MARCHF1: variants seen among roughly 807,000 people sequenced by gnomAD.
MARCHF1 encodes membrane associated ring-CH-type finger 1, also known as E3 ubiquitin-protein ligase MARCHF1.
A neutral mutation model predicts 54.2 loss-of-function variants in MARCHF1; 40 were observed. The observed-to-expected ratio is 0.74, with a 90% CI of 0.57 to 0.96. The LOEUF is 0.96. Among genes scored for constraint, MARCHF1 ranks in the 40% least tolerant of loss-of-function variants. The pLI, the probability that MARCHF1 is intolerant of heterozygous loss-of-function variation, is 0.00. For missense variants in MARCHF1, 586 were observed against 656.5 expected, an observed-to-expected ratio of 0.89 and a Z score of 1.17; for synonymous variants, 236 against 236.3, an observed-to-expected ratio of 1.00 and a Z score of 0.01.
intron 2 of MARCHF1, among the ~76,000 whole-genome samples, chr4:164,101,938 A>C (rs1429507322): frequency 1.3e-5 from 2 of 149,176 alleles, no homozygotes; most frequent in Non-Finnish European, 3.0e-5. Flanking sequence ...TGGAGCTGAA[A>C]ACCAAGGCTC....
intron 9 of MARCHF1, among the ~76,000 whole-genome samples, chr4:163,541,461 C>T (rs1050205425): frequency 2.6e-5 from 4 of 152,064 alleles, no homozygotes; most frequent in African/African-American, 9.7e-5. Context: ...CAACTGTTGC[C>T]CAAATTAAAC....
intron 8 of MARCHF1, among the ~76,000 whole-genome samples, chr4:163,557,372 A>G (rs972148007): frequency 2.6e-5 from 4 of 152,180 alleles, no homozygotes; most frequent in Admixed American, 2.6e-4. Flanking sequence ...TTTTCCTCTA[A>G]TTAGACAGCA....
chr4:163,621,614 G>A (rs1329446643), intron 5 of MARCHF1, among the ~76,000 whole-genome samples: 1 of 152,100 alleles, frequency 6.6e-6, no homozygotes, highest in Non-Finnish European at 1.5e-5. Context: ...AGATCTTGGA[G>A]TTCTGGGCAT....
intron 4 of MARCHF1, among the ~76,000 whole-genome samples, chr4:163,710,083 A>C (rs1745062724): frequency 6.6e-6 from 1 of 152,170 alleles, no homozygotes; most frequent in Non-Finnish European, 1.5e-5. Flanking sequence ...TTTAATGGGT[A>C]AACTTGCTAA....
chr4:164,351,966 A>C (rs1730354611), intron 1 of MARCHF1, among the ~76,000 whole-genome samples: 1 of 146,732 alleles, frequency 6.8e-6, no homozygotes, highest in African/African-American at 2.5e-5. Context: ...TGAAGAATGC[A>C]GAAGCCTCAG....
chr4:163,715,133 C>T (rs1223454261), intron 4 of MARCHF1, among the ~76,000 whole-genome samples: 3 of 152,202 alleles, frequency 2.0e-5, no homozygotes, highest in African/African-American at 7.2e-5. Context: ...TTGGATTTAA[C>T]ATACAGTATT....
chr4:164,050,167 C>T lies in MARCHF1; in HGVS notation c.-248+61421G>A, dbSNP rs541732847. 6.8e-5 allele frequency among the ~76,000 whole-genome samples: 10 copies of T among 146,408 alleles called. No individual in the cohort carries two copies. In the East Asian group the frequency reaches 1.7e-3, roughly 24 times the overall value. ...GTGGGTGCCTGTATTCCCAGCTATT[C>T]GGGAGGCTGAGGCAGGAGAATCGCT... is the stretch of plus-strand genomic sequence containing the variant. On this transcript the variant is annotated intron_variant, in intron 2 of 9. Transcript: ENST00000514618.
chr4:163,957,932 A>G (rs1235451432), intron 3 of MARCHF1, among the ~76,000 whole-genome samples: 2 of 152,056 alleles, frequency 1.3e-5, no homozygotes, highest in Non-Finnish European at 2.9e-5. Flanking sequence ...GCCATGCTGC[A>G]TTCAGAAAGT....
intron 3 of MARCHF1, among the ~76,000 whole-genome samples, chr4:163,981,414 CT>C (rs1337794044): frequency 2.6e-5 from 4 of 152,192 alleles, no homozygotes; most frequent in African/African-American, 9.7e-5. Flanking sequence ...CTTCAGTCTC[CT>C]TTTCACTCCT....
chr4:163,554,389 T>C (rs1254228569), intron 8 of MARCHF1, among the ~76,000 whole-genome samples: 1 of 151,994 alleles, frequency 6.6e-6, no homozygotes, highest in Non-Finnish European at 1.5e-5. Context: ...CAAGGGAACA[T>C]AGAAGGTGTT....
intron 1 of MARCHF1, among the ~76,000 whole-genome samples, chr4:164,155,138 G>A (rs1475942062): frequency 6.6e-6 from 1 of 152,112 alleles, no homozygotes; most frequent in African/African-American, 2.4e-5. Flanking sequence ...AAGATAGGGG[G>A]CATGGTGGGC....
intron 7 of MARCHF1, among the ~76,000 whole-genome samples, chr4:163,599,997 T>C (rs1235162710): frequency 6.6e-6 from 1 of 152,184 alleles, no homozygotes; most frequent in Non-Finnish European, 1.5e-5. Flanking sequence ...ATGTCCTATA[T>C]TTTAGATGGC....
chr4:164,072,978 G>A (rs1754901775), intron 2 of MARCHF1, among the ~76,000 whole-genome samples: 1 of 152,160 alleles, frequency 6.6e-6, no homozygotes, highest in Admixed American at 6.5e-5. Context: ...GAGCCTCACG[G>A]CAACTGTTTT....
intron 4 of MARCHF1, among the ~76,000 whole-genome samples, chr4:163,778,865 G>T (rs938531840): frequency 1.3e-5 from 2 of 152,062 alleles, no homozygotes. Flanking sequence ...GAGAGGGTGG[G>T]AGGGGGGTAT....
intron 1 of MARCHF1, among the ~76,000 whole-genome samples, chr4:164,186,727 A>C (rs1292177782): frequency 2.0e-5 from 3 of 152,198 alleles, no homozygotes; most frequent in Non-Finnish European, 4.4e-5. Context: ...TTTTGAGCTA[A>C]AGACCTCTGA....
intron 3 of MARCHF1, among the ~76,000 whole-genome samples, chr4:163,958,958 C>G (rs1752285877): frequency 6.6e-6 from 1 of 151,926 alleles, no homozygotes; most frequent in Non-Finnish European, 1.5e-5. Flanking sequence ...TCTAGACCAT[C>G]TGTTCTCACT....
chr4:163,860,282 C>G (rs1307789487), intron 3 of MARCHF1, among the ~76,000 whole-genome samples: 1 of 152,040 alleles, frequency 6.6e-6, no homozygotes, highest in Non-Finnish European at 1.5e-5. Flanking sequence ...GTGAGGACTT[C>G]CAGGGGCTGC....
intron 3 of MARCHF1, among the ~76,000 whole-genome samples, chr4:163,946,430 T>G (rs1752027950): frequency 6.6e-6 from 1 of 152,152 alleles, no homozygotes; most frequent in Non-Finnish European, 1.5e-5. Context: ...TTCACCCTAA[T>G]CTTTTTAAAA....
intron 9 of MARCHF1, among the ~76,000 whole-genome samples, chr4:163,536,707 T>A (rs986226008): frequency 6.6e-6 from 1 of 152,118 alleles, no homozygotes; most frequent in Admixed American, 6.6e-5. Flanking sequence ...GTTTCACCTC[T>A]CTTTCCAGAA....
Sources: gnomAD v4.1 joint callset for allele counts (sites outside exome capture counted in the v4.1 genomes callset) on GRCh38, gnomAD v4.1.1 for gene constraint, MANE v1.5 for transcripts, NCBI Gene and HGNC (gene_info 2026-07-23, HGNC 2026-07-21) for gene names.